Variants in FER1L6 observed in about 807,000 individuals in gnomAD.
The protein encoded by FER1L6 is fer-1-like protein 6.
In FER1L6, 177 loss-of-function variants were observed where a neutral mutation model predicts 219.2. The observed-to-expected ratio is 0.81, with a 90% CI of 0.71 to 0.91. The LOEUF is 0.91. FER1L6 is among the 40% of genes least tolerant of loss of function. The pLI, the probability that FER1L6 is intolerant of heterozygous loss-of-function variation, is 0.00. For synonymous variants in FER1L6, 768 were observed against 824.3 expected (o/e 0.93, Z 1.17); for missense variants, 2,153 against 2,259.9 (o/e 0.95, Z 0.96).
intron 9 of FER1L6, among the ~76,000 whole-genome samples, chr8:123,976,981 G>A (rs983792235): frequency 3.9e-5 from 6 of 152,154 alleles, no homozygotes; most frequent in African/African-American, 1.2e-4. Flanking sequence ...CCTTGGCAGG[G>A]GTGAACACTG....
chr8:123,870,193 T>C (rs1411182952), intron 1 of FER1L6, among the ~76,000 whole-genome samples: 1 of 152,330 alleles, frequency 6.6e-6, no homozygotes. Flanking sequence ...TTCTCAAATG[T>C]TGCTGATGAA....
chr8:124,099,777 CCTCT>C (rs147503968), intron 37 of FER1L6, among the ~76,000 whole-genome samples: 3 of 151,826 alleles, frequency 2.0e-5, no homozygotes, highest in African/African-American at 7.3e-5. Context: ...CTAGCCCCTG[CCTCT>C]CTCTCTCTCC....
chr8:124,091,482 GC>G lies in FER1L6; in HGVS notation c.4452del (p.Cys1484Ter), dbSNP rs1445492070. On this transcript the variant is annotated frameshift_variant, in exon 34 of 41. Coordinates refer to ENST00000522917, the MANE Select transcript of FER1L6 (RefSeq NM_001039112.2). LOFTEE classifies it high-confidence loss of function. ...CCCACCGAAATCCTCACTAAGCTCT[GC>G]AAAGACAACAAGCTGGATGGACCCT... is the stretch of plus-strand genomic sequence containing the variant. ...SKPTEILTKLCKDNKLDGPYF... is the reference protein window; with the variant it reads ...SKPTEILTKLXKDNKLDGPYF... The G allele has an allele frequency of 6.2e-7, 1 of 1,613,938 alleles. No individual in the cohort carries two copies. Among genetic ancestry groups the G allele is most frequent in the Admixed American group, 1.7e-5 (1 of 60,028 alleles).
chr8:124,103,340 T>G, intron 39 of FER1L6, 31 bp downstream of exon 39: 27 of 1,591,844 alleles, frequency 1.7e-5, no homozygotes, highest in Non-Finnish European at 2.3e-5. Flanking sequence ...GTGGAGGAGA[T>G]GGGGGAAGTT....
At chr8:123,876,476 A>G (rs148706854) in intron 1 of FER1L6, among the ~76,000 whole-genome samples, 1 of 146,842 alleles carries the variant, frequency 6.8e-6, no homozygotes, top group East Asian at 2.0e-4. Flanking sequence ...GTGCCACCAC[A>G]CTTGGCTACA....
chr8:124,095,689 C>T (rs989535617), intron 35 of FER1L6, among the ~76,000 whole-genome samples: 1 of 152,112 alleles, frequency 6.6e-6, no homozygotes, highest in African/African-American at 2.4e-5. Flanking sequence ...CAAACTGGGG[C>T]CATTTGGGAG....
intron 16 of FER1L6, among the ~76,000 whole-genome samples, chr8:124,019,145 A>T (rs76828070): frequency 0.025 from 3,754 of 152,280 alleles, 148 homozygotes; most frequent in African/African-American, 0.086. Context: ...TCCCTTTTGC[A>T]TGATACATTG....
At chr8:124,060,930 T>A in intron 24 of FER1L6, 1 of 416,346 alleles carries the variant, frequency 2.4e-6, no homozygotes, top group Admixed American at 3.9e-5. Context: ...AACTTTTTCC[T>A]ATAACAGTGG....
chr8:124,108,328 G>T (rs982283013), intron 39 of FER1L6, among the ~76,000 whole-genome samples: 1 of 95,218 alleles, frequency 1.1e-5, no homozygotes, highest in Non-Finnish European at 2.2e-5. Context: ...TGTAAAGATT[G>T]AGAAAATTAA....
chr8:123,932,946 A>C (rs1425617141), intron 1 of FER1L6, among the ~76,000 whole-genome samples: 1 of 152,244 alleles, frequency 6.6e-6, no homozygotes, highest in Non-Finnish European at 1.5e-5. Flanking sequence ...ATCAAAGAAC[A>C]GGATGTGGCT....
chr8:123,905,085 AT>A (rs958719996), intron 1 of FER1L6, among the ~76,000 whole-genome samples: 35 of 151,888 alleles, frequency 2.3e-4, no homozygotes, highest in Middle Eastern at 6.8e-3. Context: ...TCCCACTTAA[AT>A]TTTTTTTTAT....
intron 1 of FER1L6, among the ~76,000 whole-genome samples, chr8:123,873,281 T>C (rs1343547596): frequency 6.6e-6 from 1 of 152,190 alleles, no homozygotes; most frequent in East Asian, 1.9e-4. Context: ...TTCCTTTAAT[T>C]TGACATCATC....
At chr8:123,995,177 C>T (rs1273218559) in intron 12 of FER1L6, among the ~76,000 whole-genome samples, 1 of 152,234 alleles carries the variant, frequency 6.6e-6, no homozygotes, top group Non-Finnish European at 1.5e-5. Context: ...GCATGAATCT[C>T]TACACACTAT....
intron 11 of FER1L6, among the ~76,000 whole-genome samples, chr8:123,983,942 T>C (rs1816437067): frequency 6.6e-6 from 1 of 152,286 alleles, no homozygotes; most frequent in Non-Finnish European, 1.5e-5. Context: ...TTTCAGGATA[T>C]AGTGTGGGCA....
At chr8:124,089,238 C>G (rs1173374688) in intron 33 of FER1L6, among the ~76,000 whole-genome samples, 1 of 152,138 alleles carries the variant, frequency 6.6e-6, no homozygotes, top group African/African-American at 2.4e-5. Flanking sequence ...TGCATGGGCA[C>G]CAGCTGAGTT....
At chr8:124,070,681 G>A in intron 30 of FER1L6, 83 bp downstream of exon 30, 1 of 1,256,882 alleles carries the variant, frequency 8.0e-7, no homozygotes, top group Non-Finnish European at 1.1e-6. Context: ...ATGGAATTGT[G>A]GTGTGGGATG....
intron 28 of FER1L6, among the ~76,000 whole-genome samples, chr8:124,068,596 T>G (rs1310668831): frequency 6.6e-6 from 1 of 152,232 alleles, no homozygotes; most frequent in East Asian, 1.9e-4. Flanking sequence ...TTGAACTAGA[T>G]GTATCTCAAT....
chr8:123,997,848 CTTGA>C (rs1371250006), intron 12 of FER1L6, among the ~76,000 whole-genome samples: 3 of 152,076 alleles, frequency 2.0e-5, no homozygotes, highest in Non-Finnish European at 4.4e-5. Flanking sequence ...AGAATTTCTG[CTTGA>C]TTCTTTCTAA....
intron 1 of FER1L6, among the ~76,000 whole-genome samples, chr8:123,876,988 G>C (rs1817014827): frequency 6.6e-6 from 1 of 152,168 alleles, no homozygotes; most frequent in Non-Finnish European, 1.5e-5. Flanking sequence ...TCCCTCCTCT[G>C]TGCTTCTCTG....
Sources: gnomAD v4.1 joint callset for allele counts (sites outside exome capture counted in the v4.1 genomes callset) on GRCh38, gnomAD v4.1.1 for gene constraint, MANE v1.5 for transcripts, NCBI Gene and HGNC (gene_info 2026-07-23, HGNC 2026-07-21) for gene names.